The following RNF150 variants were observed in gnomAD, a reference collection of about 807,000 sequenced individuals.
RNF150 encodes the protein ring finger protein 150.
RNF150 carries 24 observed loss-of-function variants against 39.3 expected under a neutral mutation model. That is an observed-to-expected ratio of 0.61 (90% CI 0.44 to 0.86). The LOEUF is 0.86. RNF150 is among the 40% of genes least tolerant of loss of function. The pLI, the probability that RNF150 is intolerant of heterozygous loss-of-function variation, is 0.00. For synonymous variants in RNF150, 255 were observed against 227.3 expected (o/e 1.12, Z -1.10); for missense variants, 502 against 587.8 (o/e 0.85, Z 1.51).
At chr4:140,926,879 C>T (rs1204862947) in intron 4 of RNF150, among the ~76,000 whole-genome samples, 1 of 152,194 alleles carries the variant, frequency 6.6e-6, no homozygotes, top group African/African-American at 2.4e-5. Flanking sequence ...TCAGAATTTT[C>T]TGCCTGGGGC....
chr4:140,990,436 T>A (rs1734155374), intron 1 of RNF150, among the ~76,000 whole-genome samples: 1 of 152,174 alleles, frequency 6.6e-6, no homozygotes. Context: ...GCTGCACCCA[T>A]CACCTAGGTA....
At chr4:141,103,766 G>A (rs556443083) in intron 1 of RNF150, among the ~76,000 whole-genome samples, 13 of 152,234 alleles carry the variant, frequency 8.5e-5, no homozygotes, top group East Asian at 1.9e-4. Context: ...AAAGGTTAAT[G>A]AGACAGGTGG....
At chr4:140,975,073 C>A (rs551226849) in intron 1 of RNF150, among the ~76,000 whole-genome samples, 3 of 151,930 alleles carry the variant, frequency 2.0e-5, no homozygotes, top group Non-Finnish European at 4.4e-5. Flanking sequence ...CTGGACAACA[C>A]GGCGAAACCC....
At chr4:141,063,991 C>A (rs74506903) in intron 1 of RNF150, among the ~76,000 whole-genome samples, 1,384 of 115,792 alleles carry the variant, frequency 0.012, no homozygotes, top group African/African-American at 0.024. Flanking sequence ...AAAAGTTCTA[C>A]AAAAAAAAAA....
At chr4:141,157,222 C>T (rs151241637) in intron 1 of RNF150, among the ~76,000 whole-genome samples, 2 of 152,134 alleles carry the variant, frequency 1.3e-5, no homozygotes, top group Non-Finnish European at 2.9e-5. Flanking sequence ...ATCTCCCCCC[C>T]CAAAAATGTA....
At position 140,861,238 on chromosome 4, in the gene RNF150, A is replaced by G. The variant is rs1330142271; in HGVS notation, c.*7023T>C. 2 of 152,230 alleles carry G rather than the reference A, an allele frequency of 1.3e-5. No homozygotes were observed. The highest frequency in any genetic ancestry group is 2.9e-5 in the Non-Finnish European group (2 of 68,048). 9.4% of individuals were successfully genotyped at this position (152,230 alleles called of 1,614,324 possible). On this transcript the variant is annotated 3_prime_UTR_variant, in exon 7 of 7. Coordinates refer to ENST00000515673, the MANE Select transcript of RNF150 (RefSeq NM_020724.2). The stretch of plus-strand genomic sequence containing the variant: ...AATTTCACAAGAATAAAGTTGAGAT[A>G]ACTTACAAAAACAAGCAGTCCCTTG...
At chr4:140,929,991 T>C (rs1731561895) in intron 4 of RNF150, among the ~76,000 whole-genome samples, 1 of 152,110 alleles carries the variant, frequency 6.6e-6, no homozygotes, top group Admixed American at 6.5e-5. Flanking sequence ...CGAAACCCTG[T>C]CTCTACTAAA....
intron 1 of RNF150, among the ~76,000 whole-genome samples, chr4:141,079,429 G>A (rs1028354840): frequency 2.6e-5 from 4 of 152,134 alleles, no homozygotes; most frequent in East Asian, 3.9e-4. Flanking sequence ...TCAATTGGTA[G>A]AGTAAGACTG....
chr4:141,110,927 T>G (rs934072355), intron 1 of RNF150, among the ~76,000 whole-genome samples: 1 of 152,168 alleles, frequency 6.6e-6, no homozygotes, highest in African/African-American at 2.4e-5. Context: ...AAGGCAGCTG[T>G]TAAGAGACTA....
intron 4 of RNF150, among the ~76,000 whole-genome samples, chr4:140,938,256 C>T (rs1340467182): frequency 1.3e-5 from 2 of 152,064 alleles, no homozygotes; most frequent in Non-Finnish European, 2.9e-5. Context: ...GATGGTAACG[C>T]TAAGTTTTCA....
At chr4:141,081,556 T>C (rs1016950755) in intron 1 of RNF150, among the ~76,000 whole-genome samples, 6 of 152,352 alleles carry the variant, frequency 3.9e-5, no homozygotes, top group Middle Eastern at 3.4e-3. Flanking sequence ...GTTGCATTTT[T>C]ATCTTCCAAA....
At chr4:140,939,607 TG>T (rs1560977929) in intron 4 of RNF150, among the ~76,000 whole-genome samples, 54 of 954 alleles carry the variant, frequency 0.057, 1 homozygote, top group South Asian at 0.38. Context: ...AAGTGGAGTT[TG>T]TGTGTGTGTG....
intron 1 of RNF150, among the ~76,000 whole-genome samples, chr4:141,152,625 C>A (rs541405296): frequency 3.3e-5 from 5 of 152,018 alleles, no homozygotes; most frequent in African/African-American, 7.2e-5. Flanking sequence ...TCTTCTCAAC[C>A]CTTATATTTA....
chr4:140,888,579 A>G (rs1035449243), intron 6 of RNF150, among the ~76,000 whole-genome samples: 1 of 152,246 alleles, frequency 6.6e-6, no homozygotes, highest in Admixed American at 6.5e-5. Flanking sequence ...AATAAAAGAG[A>G]TACAAATGAG....
rs558625245 is a variant in RNF150 at position 141,204,608 on chromosome 4, A to T, written c.-6+8186T>A. ...AGGGTGGAGAGGGATTTTAAAGAAG[A>T]CAAACTGAGGTTATTGTCAGGGGCA... is the stretch of plus-strand genomic sequence containing the variant. On this transcript the variant is annotated intron_variant, in intron 1 of 7. Transcript: ENST00000420921. Among the ~76,000 whole-genome samples the T allele has an allele frequency of 2.3e-4, 35 of 152,294 alleles. No individual in the cohort carries two copies. In the South Asian group the frequency reaches 7.0e-3, roughly 31 times the overall value.
intron 5 of RNF150, among the ~76,000 whole-genome samples, chr4:140,913,475 T>A (rs182229523): frequency 1.4e-4 from 22 of 152,272 alleles, no homozygotes; most frequent in Admixed American, 8.5e-4. Flanking sequence ...GTGCTCAGGA[T>A]GACATTTGAT....
intron 6 of RNF150, among the ~76,000 whole-genome samples, chr4:140,895,212 C>A (rs1465248860): frequency 6.6e-6 from 1 of 152,146 alleles, no homozygotes; most frequent in Non-Finnish European, 1.5e-5. Context: ...AACATTTTTC[C>A]TTCAAAGCTT....
At chr4:140,989,109 C>A (rs1267796437) in intron 1 of RNF150, among the ~76,000 whole-genome samples, 1 of 152,094 alleles carries the variant, frequency 6.6e-6, no homozygotes, top group East Asian at 1.9e-4. Context: ...TAGTTAAAAC[C>A]TGGTTGCTTC....
intron 1 of RNF150, among the ~76,000 whole-genome samples, chr4:141,068,386 T>C (rs1237861668): frequency 6.6e-6 from 1 of 152,336 alleles, no homozygotes; most frequent in East Asian, 1.9e-4. Context: ...AAAAATGGAA[T>C]AAGAGGGCTC....
Sources: allele counts gnomAD v4.1 joint callset (sites outside exome capture counted in the v4.1 genomes callset), GRCh38; gene constraint gnomAD v4.1.1; transcripts MANE v1.5; gene names NCBI Gene and HGNC (gene_info 2026-07-23, HGNC 2026-07-21).